HSD17B14: variants seen among roughly 807,000 people sequenced by gnomAD.
HSD17B14 encodes hydroxysteroid 17-beta dehydrogenase 14.
In HSD17B14, 32 loss-of-function variants were observed where a neutral mutation model predicts 32.2. That is an observed-to-expected ratio of 0.99 (90% CI 0.75 to 1.33). HSD17B14 has a LOEUF of 1.33. Ranked by LOEUF, HSD17B14 falls within the 40% of genes most tolerant of loss-of-function variation. The pLI is 0.00. For synonymous variants in HSD17B14, 140 were observed against 155.4 expected (o/e 0.90, Z 0.74); for missense variants, 370 against 366.5 (o/e 1.01, Z -0.08).
chr19:48,828,090 G>A lies in HSD17B14; in HGVS notation c.369+3578C>T, dbSNP rs545088537. On this transcript the variant is annotated intron_variant, in intron 5 of 8. Coordinates refer to ENST00000263278, the MANE Select transcript of HSD17B14 (RefSeq NM_016246.3). ...AAGATGGTCTCGATCTCCTGACCTCGTGATCCGCCGGCCTCGGCCTCCCAA... is the reference window on the plus strand; with the variant it reads ...AAGATGGTCTCGATCTCCTGACCTCATGATCCGCCGGCCTCGGCCTCCCAA... Among the ~76,000 whole-genome samples, 9 of 152,174 alleles carry A rather than the reference G, an allele frequency of 5.9e-5. No individual in the cohort carries two copies. The South Asian group carries it at 1.0e-3, about 18-fold the overall frequency.
At position 48,815,124 on chromosome 19, in the gene HSD17B14, C is replaced by G. The variant is rs974209361; in HGVS notation, c.387G>C (p.Leu129=). The change falls in exon 6 of 9, where the codon CTG becomes CTC. Residue 129 remains leucine, a synonymous_variant. Transcript: ENST00000263278. ...YTLTKLALPY[L]RKSQGNVINI... ...TGATGACATTCCCTTGACTCTTCCG[C>G]AGGTAGGGGAGGGCGAGCTAGGGAG... 1 of 1,613,786 alleles carries G rather than the reference C, an allele frequency of 6.2e-7. No individual in the cohort carries two copies. Among genetic ancestry groups the G allele is most frequent in the South Asian group, 1.1e-5 (1 of 91,080 alleles).
intron 2 of HSD17B14, 70 bp downstream of exon 2, chr19:48,835,735 T>C (rs1180110037): frequency 6.7e-7 from 1 of 1,489,450 alleles, no homozygotes; most frequent in Non-Finnish European, 9.3e-7. Flanking sequence ...AGGGAGGAGG[T>C]GCTAGGGGTC....
intron 5 of HSD17B14, among the ~76,000 whole-genome samples, chr19:48,826,528 A>AAAATATATATATATAT (rs777368104): frequency 1.7e-4 from 4 of 23,078 alleles, no homozygotes; most frequent in African/African-American, 4.7e-4. Context: ...AAAAGAAGAA[A>AAAATATATATATATAT]ATATATATAT....
In HSD17B14 at chr19:48,813,058, C is replaced by T. The variant is rs930185209; in HGVS notation, c.*117G>A. The stretch of plus-strand genomic sequence containing the variant: ...GTTTTTATGGGAACCTGCAGGGTGA[C>T]CCGGCACCTTGCTAACTGGGCTTAG... On this transcript the variant is annotated 3_prime_UTR_variant, in exon 9 of 9. Coordinates refer to ENST00000263278, the MANE Select transcript of HSD17B14 (RefSeq NM_016246.3). 4.8e-6 allele frequency: 3 copies of T among 622,580 alleles called. No homozygotes were observed. In the Admixed American group the frequency reaches 9.1e-5, roughly 19 times the overall value. The allele number at this position is 622,580 out of a possible 1,614,324, so 38.6% of individuals were successfully genotyped here. A position where few individuals can be genotyped will look rare whatever the true frequency, so the allele number is the denominator to read the frequency against.
chr19:48,817,394 G>C (rs766251885), intron 5 of HSD17B14, among the ~76,000 whole-genome samples: 3 of 151,726 alleles, frequency 2.0e-5, no homozygotes, highest in Non-Finnish European at 4.4e-5. Context: ...AGCCAGGCTG[G>C]TCTTGAACTC....
rs374378406 is a variant in HSD17B14 at position 48,832,759 on chromosome 19, T to G, written c.211-27A>C. 1.8e-4 allele frequency: 259 copies of G among 1,455,458 alleles called. 1 individual carries two copies. In the African/African-American group the frequency reaches 3.4e-3, roughly 19 times the overall value. The allele number at this position is 1,455,458 out of a possible 1,614,324, so 90.2% of individuals were successfully genotyped here. ...TGAGGAGAAAGGAAATGTCCTTTGTTTTTTTTTTTTGGAGACGGTGTCTCC... is the reference window on the plus strand; with the variant it reads ...TGAGGAGAAAGGAAATGTCCTTTGTGTTTTTTTTTTGGAGACGGTGTCTCC... On this transcript the variant is annotated intron_variant, in intron 3 of 8. Transcript: ENST00000263278.
intron 5 of HSD17B14, among the ~76,000 whole-genome samples, chr19:48,824,209 CAT>C (rs2035204872): frequency 7.6e-5 from 1 of 13,180 alleles, no homozygotes; most frequent in Non-Finnish European, 1.5e-4. Context: ...GAGCCAAGAT[CAT>C]GCCATTGCAC....
Position 48,822,045 on chromosome 19 carries a change from TGTG to T in HSD17B14, c.370-6907_370-6905del, listed in dbSNP as rs1307444500. Among the ~76,000 whole-genome samples the T allele has an allele frequency of 6.3e-5, 9 of 142,978 alleles. No homozygotes were observed. The East Asian group carries it at 6.6e-4, about 10-fold the overall frequency. The allele number at this position is 142,978 out of a possible 152,430, so 93.8% of individuals were successfully genotyped here. On this transcript the variant is annotated intron_variant, in intron 5 of 8. Coordinates refer to ENST00000263278, the MANE Select transcript of HSD17B14 (RefSeq NM_016246.3). ...TGGTGATGGTGGTGATGGTGATGAT[TGTG>T]GTGATGATGGTGATGATTGTGGTAA...
At chr19:48,832,546 G>T (rs926197069) in intron 4 of HSD17B14, 120 bp downstream of exon 4, 1 of 872,512 alleles carries the variant, frequency 1.1e-6, no homozygotes, top group Non-Finnish European at 1.9e-6. Flanking sequence ...TGTCCAAGTG[G>T]CTAGAAAGAG....
chr19:48,822,545 GTGA>G (rs562744966), intron 5 of HSD17B14, among the ~76,000 whole-genome samples: 244 of 151,352 alleles, frequency 1.6e-3, no homozygotes, highest in African/African-American at 5.6e-3. Flanking sequence ...AATGATGGTG[GTGA>G]TGTTGGTGAT....
intron 5 of HSD17B14, among the ~76,000 whole-genome samples, chr19:48,820,879 A>C (rs1341411905): frequency 6.6e-6 from 1 of 151,854 alleles, no homozygotes; most frequent in African/African-American, 2.4e-5. Context: ...AAAAAAAAAT[A>C]AATAAGTAGA....
chr19:48,834,238 T>G, intron 3 of HSD17B14, 38 bp downstream of exon 3: 1 of 1,514,770 alleles, frequency 6.6e-7, no homozygotes, highest in Non-Finnish European at 9.2e-7. Flanking sequence ...GAACTGGTCA[T>G]TAGCGGAGAT....
intron 5 of HSD17B14, among the ~76,000 whole-genome samples, chr19:48,826,259 G>A (rs934107864): frequency 1.8e-4 from 27 of 151,608 alleles, no homozygotes; most frequent in East Asian, 3.9e-4. Flanking sequence ...TTGGGTGGCC[G>A]AGGCAGGCAG....
chr19:48,833,273 G>A (rs1307187788), intron 3 of HSD17B14, among the ~76,000 whole-genome samples: 1 of 151,656 alleles, frequency 6.6e-6, no homozygotes, highest in East Asian at 1.9e-4. Context: ...AGGGTCAGGG[G>A]GTGGGGCAGG....
At position 48,813,019 on chromosome 19, in the gene HSD17B14, T is replaced by C. The variant is rs2034986135; in HGVS notation, c.*156A>G. On this transcript the variant is annotated 3_prime_UTR_variant, in exon 9 of 9. Transcript: ENST00000263278. ...ATAAATATAACGATATCCTCCTCCTTCTGGCTGCAAATCGTTTTTATGGGA... is the reference window on the plus strand; with the variant it reads ...ATAAATATAACGATATCCTCCTCCTCCTGGCTGCAAATCGTTTTTATGGGA... 2 of 545,316 alleles carry C rather than the reference T, an allele frequency of 3.7e-6. No homozygotes were observed. The highest frequency in any genetic ancestry group is 6.0e-5 in the South Asian group (2 of 33,410). 33.8% of individuals were successfully genotyped at this position (545,316 alleles called of 1,614,324 possible).
chr19:48,831,103 G>A (rs1282678983), intron 5 of HSD17B14, among the ~76,000 whole-genome samples: 1 of 151,994 alleles, frequency 6.6e-6, no homozygotes, highest in Non-Finnish European at 1.5e-5. Context: ...CCAAAGCACT[G>A]GGATTAAAGG....
At chr19:48,829,009 C>T (rs376673980) in intron 5 of HSD17B14, among the ~76,000 whole-genome samples, 2 of 151,736 alleles carry the variant, frequency 1.3e-5, no homozygotes, top group African/African-American at 4.8e-5. Context: ...TGCAGTGAGC[C>T]GAGATTGTGC....
intron 5 of HSD17B14, among the ~76,000 whole-genome samples, chr19:48,826,491 CAAAAAA>C (rs747731627): frequency 2.4e-4 from 10 of 41,096 alleles, no homozygotes; most frequent in Non-Finnish European, 4.2e-4. Flanking sequence ...AAGATTGTCT[CAAAAAA>C]AAAAAAAAAA....
intron 5 of HSD17B14, among the ~76,000 whole-genome samples, chr19:48,822,320 A>ATGATGG (rs1056068000): frequency 3.6e-5 from 5 of 140,356 alleles, no homozygotes; most frequent in African/African-American, 1.3e-4. Flanking sequence ...GATTGTGGCA[A>ATGATGG]TGATGGTGAT....
Sources: allele counts gnomAD v4.1 joint callset (sites outside exome capture counted in the v4.1 genomes callset), GRCh38; gene constraint gnomAD v4.1.1; transcripts MANE v1.5; gene names NCBI Gene and HGNC (gene_info 2026-07-23, HGNC 2026-07-21).